Variants in NUP210L observed in about 807,000 individuals in gnomAD.
NUP210L encodes the protein nucleoporin 210 like.
NUP210L carries 74 observed loss-of-function variants against 208.5 expected under a neutral mutation model. The ratio of observed to expected loss-of-function variants is 0.35; its 90% CI spans 0.29 to 0.43. NUP210L has a LOEUF of 0.43. Among genes scored for constraint, NUP210L ranks in the 20% least tolerant of loss-of-function variants. NUP210L has a pLI of 1.00. For synonymous variants in NUP210L, 780 were observed against 816.9 expected (o/e 0.95, Z 0.77); for missense variants, 1,843 against 2,289.4 (o/e 0.81, Z 3.98).
intron 7 of NUP210L, among the ~76,000 whole-genome samples, chr1:154,131,789 T>A (rs954409774): frequency 6.6e-6 from 1 of 151,998 alleles, no homozygotes; most frequent in African/African-American, 2.4e-5. Flanking sequence ...CTGGTTTTTC[T>A]TTCTTTTTTT....
intron 34 of NUP210L, among the ~76,000 whole-genome samples, chr1:154,010,852 A>G (rs1305845020): frequency 6.6e-6 from 1 of 152,040 alleles, no homozygotes; most frequent in Non-Finnish European, 1.5e-5. Context: ...CCTTGGCAAC[A>G]AGAGCGAAAC....
intron 30 of NUP210L, among the ~76,000 whole-genome samples, chr1:154,023,948 C>T (rs1030803479): frequency 5.3e-5 from 8 of 151,868 alleles, no homozygotes; most frequent in Admixed American, 2.6e-4. Flanking sequence ...CCACAATGCC[C>T]GGCTAATTTT....
chr1:154,059,930 G>A (rs1277530309), intron 20 of NUP210L, among the ~76,000 whole-genome samples: 1 of 152,094 alleles, frequency 6.6e-6, no homozygotes, highest in Non-Finnish European at 1.5e-5. Context: ...GTCATGTCCT[G>A]GCTGAAAACA....
At chr1:154,117,668 CTTAAAT>C (rs1657396382) in intron 12 of NUP210L, 51 bp downstream of exon 12, 1 of 1,350,570 alleles carries the variant, frequency 7.4e-7, no homozygotes, top group Non-Finnish European at 1.0e-6. Flanking sequence ...GTGTTAATTA[CTTAAAT>C]TTAGACAGTA....
rs1367979637 is a variant in NUP210L, at chr1:154,094,923, C to G, written c.2187+12G>C. 1 of 1,599,562 alleles carries G rather than the reference C, an allele frequency of 6.3e-7. No individual in the cohort carries two copies. Among genetic ancestry groups the G allele is most frequent in the Non-Finnish European group, 8.6e-7 (1 of 1,167,170 alleles). On this transcript the variant is annotated intron_variant, in intron 15 of 39. Coordinates refer to ENST00000368559, the Ensembl canonical transcript of NUP210L. The stretch of plus-strand genomic sequence containing the variant: ...ACACTAAAGAAAATGTTATAAAAAA[C>G]TGTTTTCCTACTTGTTCCCCTAAAT...
At chr1:154,095,137 A>T in exon 15 of NUP210L, 1 of 1,613,366 alleles carries the variant, frequency 6.2e-7, no homozygotes, top group Non-Finnish European at 8.5e-7. Context: ...CACCAATGCC[A>T]CTTCCACAGG....
At chr1:154,072,355 C>CG (rs1477925612) in intron 16 of NUP210L, among the ~76,000 whole-genome samples, 1 of 94,162 alleles carries the variant, frequency 1.1e-5, no homozygotes, top group East Asian at 3.6e-4. Context: ...TTTTTTGAGA[C>CG]GGAGTCTCGC....
chr1:154,140,335 A>G (rs2148142169), intron 4 of NUP210L, among the ~76,000 whole-genome samples: 1 of 144,912 alleles, frequency 6.9e-6, no homozygotes, highest in African/African-American at 2.6e-5. Flanking sequence ...TGGGTGACAG[A>G]GCAAGACTCC....
intron 2 of NUP210L, among the ~76,000 whole-genome samples, chr1:154,146,387 G>A (rs1266011562): frequency 6.6e-6 from 1 of 152,130 alleles, no homozygotes; most frequent in African/African-American, 2.4e-5. Context: ...TAGTTAATAA[G>A]TATGGAATAT....
chr1:154,092,330 C>T (rs1234122267), intron 15 of NUP210L, among the ~76,000 whole-genome samples: 4 of 150,970 alleles, frequency 2.6e-5, no homozygotes, highest in East Asian at 3.9e-4. Context: ...CCGCCCGCCT[C>T]GTCCTCCCAA....
chr1:154,046,505 T>G, intron 25 of NUP210L, 136 bp from the exon 26 acceptor site: 1 of 704,322 alleles, frequency 1.4e-6, no homozygotes, highest in Non-Finnish European at 2.5e-6. Context: ...TGCAGCACTA[T>G]TCACAATAGC....
chr1:154,117,668 C>T, intron 12 of NUP210L, 57 bp downstream of exon 12: 1 of 1,350,570 alleles, frequency 7.4e-7, no homozygotes, highest in South Asian at 1.4e-5. Flanking sequence ...GTGTTAATTA[C>T]TTAAATTTAG....
intron 32 of NUP210L, among the ~76,000 whole-genome samples, chr1:154,020,759 T>C (rs1275281853): frequency 2.0e-5 from 3 of 151,666 alleles, no homozygotes; most frequent in South Asian, 2.1e-4. Flanking sequence ...ACTCCTGACC[T>C]TGTGATCCGC....
At chr1:154,001,889 A>G in exon 36 of NUP210L, 6 of 1,614,204 alleles carry the variant, frequency 3.7e-6, no homozygotes, top group Non-Finnish European at 5.1e-6. Flanking sequence ...TTCACTGACC[A>G]GTGTAGCCCA....
intron 4 of NUP210L, among the ~76,000 whole-genome samples, chr1:154,140,404 C>T (rs1211392310): frequency 2.7e-5 from 4 of 149,938 alleles, no homozygotes; most frequent in Non-Finnish European, 5.9e-5. Context: ...CAGTGGCTCA[C>T]GCCTATAATC....
chr1:154,087,320 C>CAAAAAAA (rs1185085313), intron 16 of NUP210L, among the ~76,000 whole-genome samples: 1 of 59,734 alleles, frequency 1.7e-5, no homozygotes, highest in Admixed American at 1.7e-4. Flanking sequence ...AGCTCCATCT[C>CAAAAAAA]AAAAAAAAAA....
chr1:154,013,552 C>T (rs576764046), intron 33 of NUP210L, among the ~76,000 whole-genome samples: 2 of 151,678 alleles, frequency 1.3e-5, no homozygotes, highest in African/African-American at 2.4e-5. Context: ...CCAGCCTGGG[C>T]GACAGAGTGA....
chr1:154,087,811 T>C lies in NUP210L; in HGVS notation c.2361+1610A>G, dbSNP rs79085075. Among the ~76,000 whole-genome samples the C allele has an allele frequency of 7.6e-3, 1,155 of 152,258 alleles. 13 individuals carry two copies. The highest frequency in any genetic ancestry group is 0.027 in the African/African-American group (1,113 of 41,548). On this transcript the variant is annotated intron_variant, in intron 16 of 39. Transcript: ENST00000368559. ...ATATCAATGAAACTTGAAAACATGC[T>C]AAATGAAAGAAGCTAGGCACAAAGG...
rs1208555227 is a variant in NUP210L, at chr1:154,117,723, A to G, written c.1620+2T>C. On this transcript the variant is annotated splice_donor_variant, in intron 12 of 39. Transcript: ENST00000368559. LOFTEE classifies it high-confidence loss of function. ...AATAAGAATATCTGGAGAGTCGTTTACCTTAATTTCTCCATATCGAAAGGG... is the reference window on the plus strand; with the variant it reads ...AATAAGAATATCTGGAGAGTCGTTTGCCTTAATTTCTCCATATCGAAAGGG... The G allele has an allele frequency of 2.2e-6, 3 of 1,362,826 alleles. No individual in the cohort carries two copies. Among genetic ancestry groups the G allele is most frequent in the East Asian group, 2.7e-5 (1 of 36,958 alleles). 84.4% of individuals were successfully genotyped at this position (1,362,826 alleles called of 1,614,324 possible). A position where few individuals can be genotyped will look rare whatever the true frequency, so the allele number is the denominator to read the frequency against.
Sources: gnomAD v4.1 joint callset for allele counts (sites outside exome capture counted in the v4.1 genomes callset) on GRCh38, gnomAD v4.1.1 for gene constraint, MANE v1.5 for transcripts, NCBI Gene and HGNC (gene_info 2026-07-23, HGNC 2026-07-21) for gene names.